Variants in SCYL2 observed in about 807,000 individuals in gnomAD.
SCYL2 encodes SCY1-like protein 2.
In SCYL2, 36 loss-of-function variants were observed where a neutral mutation model predicts 100.4. The observed-to-expected ratio is 0.36, with a 90% confidence interval of 0.27 to 0.47. SCYL2 has a LOEUF of 0.47. SCYL2 is among the 20% of genes least tolerant of loss of function. The probability of loss-of-function intolerance (pLI) is 1.00; values close to 1 mark genes in which losing one functional copy is unlikely to be tolerated. For synonymous variants in SCYL2, 330 were observed against 359.2 expected (o/e 0.92, Z 0.92); for missense variants, 902 against 1,083.9 (o/e 0.83, Z 2.36).
chr12:100,294,729 G>A (rs1199393186), intron 3 of SCYL2, among the ~76,000 whole-genome samples: 26 of 137,500 alleles, frequency 1.9e-4, no homozygotes, highest in African/African-American at 6.9e-4. Flanking sequence ...CGGACGGGGT[G>A]GCTGGCCGGG....
In SCYL2 at chr12:100,338,774, C is replaced by G; in HGVS notation, c.2392C>G (p.Pro798Ala). ...TACAAACCAGAACTTCTACAGTAGTCCAAGCACAGTTGGAGTGACCAAGAT... is the reference window on the plus strand; with the variant it reads ...TACAAACCAGAACTTCTACAGTAGTGCAAGCACAGTTGGAGTGACCAAGAT... ...VNTNQNFYSS[P>A]STVGVTKMTL... The change falls in exon 18 of 18, where the codon CCA becomes GCA. Residue 798 changes from proline to alanine, a missense_variant. Coordinates refer to ENST00000360820, the MANE Select transcript of SCYL2 (RefSeq NM_017988.6). 2 of 1,614,120 alleles carry G rather than the reference C, an allele frequency of 1.2e-6. No homozygotes were observed. The highest frequency in any genetic ancestry group is 1.7e-6 in the Non-Finnish European group (2 of 1,179,994).
intron 8 of SCYL2, 69 bp downstream of exon 8, chr12:100,314,683 C>A: frequency 7.4e-7 from 1 of 1,346,526 alleles, no homozygotes; most frequent in Non-Finnish European, 1.0e-6. Flanking sequence ...GACTTACTAC[C>A]ATAACTCTTC....
chr12:100,276,698 T>G (rs1267840546), intron 1 of SCYL2, among the ~76,000 whole-genome samples: 1 of 152,126 alleles, frequency 6.6e-6, no homozygotes, highest in African/African-American at 2.4e-5. Context: ...TTCAAAACTT[T>G]TTTTTTACTT....
In SCYL2 at chr12:100,338,846, G is replaced by A; in HGVS notation, c.2464G>A (p.Val822Ile). The A allele has an allele frequency of 6.2e-7, 1 of 1,614,134 alleles. No homozygotes were observed. The highest frequency in any genetic ancestry group is 8.5e-7 in the Non-Finnish European group (1 of 1,179,982). ...TTTGCCAAACTTCAATGCTTTGAGT[G>A]TTCCTCCTGCTGGTGCAAAGCAGAC... ...PTLPNFNALS[V>I]PPAGAKQTQQ... Residue 822 changes from valine to isoleucine, a missense_variant, in exon 18 of 18, where the codon GTT (valine) becomes ATT (isoleucine). Transcript: ENST00000360820.
In SCYL2 at chr12:100,298,078, A is replaced by G. The variant is rs753781935; in HGVS notation, c.383A>G (p.Asn128Ser). 6.8e-6 allele frequency: 11 copies of G among 1,611,918 alleles called. No individual in the cohort carries two copies. The South Asian group carries it at 7.7e-5, about 11-fold the overall frequency. ...CTEPVFASLA[N>S]VLGNWENLPS... ...GAACCAGTTTTTGCCAGTTTAGCCA[A>G]TGTTCTTGGTAACTGGGAAAATCTA... The change falls in exon 4 of 18, where the codon AAT (asparagine) becomes AGT (serine). Residue 128 changes from asparagine (N) to serine (S), a missense_variant. By Grantham distance (46) the Asn-to-Ser change is conservative. Transcript: ENST00000360820.
chr12:100,297,975 G>T lies in SCYL2; in HGVS notation c.336-56G>T. The T allele has an allele frequency of 6.0e-6, 8 of 1,323,102 alleles. No individual in the cohort carries two copies. The South Asian group carries it at 8.0e-5, about 13-fold the overall frequency. 82.0% of individuals were successfully genotyped at this position (1,323,102 alleles called of 1,614,324 possible). On this transcript the variant is annotated intron_variant, in intron 3 of 17. Coordinates refer to ENST00000360820, the MANE Select transcript of SCYL2 (RefSeq NM_017988.6). ...GAGCACTAATATTTTATGTATATTT[G>T]ATTTTGATAATGTGTAATAATATGA... is the stretch of plus-strand genomic sequence containing the variant.
chr12:100,301,479 G>C (rs1319751399), intron 4 of SCYL2, among the ~76,000 whole-genome samples: 1 of 152,062 alleles, frequency 6.6e-6, no homozygotes, highest in Non-Finnish European at 1.5e-5. Flanking sequence ...TATTTCATTT[G>C]ATGTGCGCAA....
At chr12:100,291,425 T>C in intron 2 of SCYL2, 78 bp from the exon 3 acceptor site, 1 of 982,072 alleles carries the variant, frequency 1.0e-6, no homozygotes, top group Non-Finnish European at 1.5e-6. Flanking sequence ...GGCATAGTTA[T>C]TTGTAGATTG....
intron 11 of SCYL2, among the ~76,000 whole-genome samples, chr12:100,324,288 A>G (rs2096359419): frequency 6.6e-6 from 1 of 152,162 alleles, no homozygotes; most frequent in South Asian, 2.1e-4. Context: ...ACTAAATATA[A>G]TAGTTTATCA....
chr12:100,295,425 C>G (rs28436723), intron 3 of SCYL2, among the ~76,000 whole-genome samples: 1 of 152,200 alleles, frequency 6.6e-6, no homozygotes, highest in Admixed American at 6.5e-5. Flanking sequence ...ACTGAGTGAA[C>G]GAGACTCCGT....
chr12:100,325,535 G>T (rs932505549), intron 11 of SCYL2, among the ~76,000 whole-genome samples: 19 of 152,182 alleles, frequency 1.2e-4, no homozygotes, highest in African/African-American at 4.6e-4. Context: ...TGTATTCATA[G>T]TCCTCTATCT....
At chr12:100,298,987 T>G (rs1447275234) in intron 4 of SCYL2, among the ~76,000 whole-genome samples, 5 of 152,128 alleles carry the variant, frequency 3.3e-5, no homozygotes. Context: ...CCCAGCACTT[T>G]GGGAAGCTGA....
intron 1 of SCYL2, among the ~76,000 whole-genome samples, chr12:100,268,076 T>C (rs1361871213): frequency 6.6e-6 from 1 of 152,110 alleles, no homozygotes; most frequent in African/African-American, 2.4e-5. Flanking sequence ...GATCCGTAAT[T>C]AAGGAGGCCA....
chr12:100,300,802 A>G (rs969501758), intron 4 of SCYL2, among the ~76,000 whole-genome samples: 9 of 152,194 alleles, frequency 5.9e-5, no homozygotes, highest in African/African-American at 1.9e-4. Context: ...ACCCAGTTCC[A>G]TCTATGTTGT....
chr12:100,297,291 A>G (rs1309722511), intron 3 of SCYL2, among the ~76,000 whole-genome samples: 1 of 152,230 alleles, frequency 6.6e-6, no homozygotes, highest in African/African-American at 2.4e-5. Flanking sequence ...AGTGAGGTTC[A>G]GAACAGTAGT....
chr12:100,329,713 C>T (rs924932372), intron 13 of SCYL2, among the ~76,000 whole-genome samples: 3 of 152,220 alleles, frequency 2.0e-5, no homozygotes, highest in African/African-American at 7.2e-5. Context: ...CAGGCCAGAA[C>T]ATGGCTTAGC....
intron 16 of SCYL2, 63 bp downstream of exon 16, chr12:100,335,969 C>A: frequency 8.3e-7 from 1 of 1,209,616 alleles, no homozygotes; most frequent in Non-Finnish European, 1.2e-6. Context: ...CTGTAAACCA[C>A]AGATTTTTGT....
At chr12:100,311,296 A>G in intron 5 of SCYL2, 103 bp downstream of exon 5, 2 of 1,099,268 alleles carry the variant, frequency 1.8e-6, no homozygotes, top group Non-Finnish European at 2.4e-6. Flanking sequence ...ATGTTTAGAT[A>G]TACAGCTTTA....
chr12:100,295,191 G>A (rs1388778855), intron 3 of SCYL2, among the ~76,000 whole-genome samples: 4 of 150,190 alleles, frequency 2.7e-5, no homozygotes, highest in African/African-American at 7.4e-5. Context: ...GCGGCCGGAC[G>A]GAGACGCTCC....
Sources: gnomAD v4.1 joint callset for allele counts (sites outside exome capture counted in the v4.1 genomes callset) on GRCh38, gnomAD v4.1.1 for gene constraint, MANE v1.5 for transcripts, NCBI Gene and HGNC (gene_info 2026-07-23, HGNC 2026-07-21) for gene names.